The following ITPK1 variants were observed in gnomAD, a reference collection of about 807,000 sequenced individuals.
The protein encoded by ITPK1 is inositol 1,3,4-trisphosphate 5/6-kinase.
A neutral mutation model predicts 45.3 loss-of-function variants in ITPK1; 21 were observed. The observed-to-expected ratio is 0.46, with a 90% confidence interval of 0.33 to 0.67. The LOEUF is 0.67. ITPK1 is among the 30% of genes least tolerant of loss of function. ITPK1 has a pLI of 0.02. For synonymous variants in ITPK1, 258 were observed against 253.6 expected, an observed-to-expected ratio of 1.02 and a Z score of -0.16; for missense variants, 474 against 573.5, an observed-to-expected ratio of 0.83 and a Z score of 1.77.
chr14:93,096,367 C>A (rs552496570), intron 2 of ITPK1, among the ~76,000 whole-genome samples: 1 of 152,340 alleles, frequency 6.6e-6, no homozygotes, highest in African/African-American at 2.4e-5. Flanking sequence ...ATAAAATCAT[C>A]CCTGTAACTC....
chr14:93,030,106 G>T (rs148337845), intron 3 of ITPK1, among the ~76,000 whole-genome samples: 110 of 152,350 alleles, frequency 7.2e-4, no homozygotes, highest in African/African-American at 2.5e-3. Context: ...AATGCAGGCT[G>T]CACTCCCTTC....
chr14:93,030,675 G>A (rs904655108), intron 3 of ITPK1, among the ~76,000 whole-genome samples: 7 of 152,180 alleles, frequency 4.6e-5, no homozygotes, highest in Non-Finnish European at 1.0e-4. Context: ...TGATAGGAAA[G>A]GGGGGCACTC....
Position 93,063,488 on chromosome 14 carries a change from G to A in ITPK1, c.120+13107C>T, listed in dbSNP as rs956582495. 6.6e-6 allele frequency among the ~76,000 whole-genome samples: 1 copy of A among 152,168 alleles called. No individual in the cohort carries two copies. The highest frequency in any genetic ancestry group is 1.5e-5 in the Non-Finnish European group (1 of 68,020). On this transcript the variant is annotated intron_variant, in intron 3 of 10. Transcript: ENST00000267615. This position sits in a 1 kb window ranked among gnomAD's most constrained non-coding sequence, Gnocchi z 4.3. ...CTGTCCCTGACCTCAGGCTACCCAC[G>A]CTTCTCCTACGAGGGCCTGAGTTTT...
chr14:93,064,261 C>A (rs1352655018), intron 3 of ITPK1, among the ~76,000 whole-genome samples: 1 of 152,092 alleles, frequency 6.6e-6, no homozygotes, highest in African/African-American at 2.4e-5. Flanking sequence ...CCAGCCTGGG[C>A]GACAGAGCGA....
rs1312328852 is a variant in ITPK1, at chr14:92,941,405, C to T, written c.*156G>A. ...CTCTCTTCCATCCCCCACTACCCCT[C>T]ATTTAGATCATGACATCAGAGAATC... On this transcript the variant is annotated 3_prime_UTR_variant, in exon 11 of 11. Coordinates refer to ENST00000267615, the MANE Select transcript of ITPK1 (RefSeq NM_014216.6). 2 of 1,420,056 alleles carry T rather than the reference C, an allele frequency of 1.4e-6. No homozygotes were observed. Among genetic ancestry groups the T allele is most frequent in the African/African-American group, 2.9e-5 (2 of 67,932 alleles). 88.0% of individuals were successfully genotyped at this position (1,420,056 alleles called of 1,614,324 possible). A position where few individuals can be genotyped will look rare whatever the true frequency, so the allele number is the denominator to read the frequency against.
Position 92,941,269 on chromosome 14 carries a change from T to A in ITPK1, c.*292A>T. The stretch of plus-strand genomic sequence containing the variant: ...GGCAGCCATACGCACACCCCTCACC[T>A]CCCATCCAGACCTAGTGTTGCAAAC... On this transcript the variant is annotated 3_prime_UTR_variant, in exon 11 of 11. Transcript: ENST00000267615. 7.3e-7 allele frequency: 1 copy of A among 1,376,508 alleles called. No homozygotes were observed. The highest frequency in any genetic ancestry group is 9.4e-7 in the Non-Finnish European group (1 of 1,067,998). The allele number at this position is 1,376,508 out of a possible 1,614,324, so 85.3% of individuals were successfully genotyped here. A position where few individuals can be genotyped will look rare whatever the true frequency, so the allele number is the denominator to read the frequency against.
intron 3 of ITPK1, among the ~76,000 whole-genome samples, chr14:93,048,911 T>G (rs536413730): frequency 6.6e-6 from 1 of 152,108 alleles, no homozygotes; most frequent in Non-Finnish European, 1.5e-5. Context: ...GTCACACCAC[T>G]GCACTCCAGC....
At chr14:93,097,150 C>T (rs1356822159) in intron 2 of ITPK1, among the ~76,000 whole-genome samples, 2 of 152,230 alleles carry the variant, frequency 1.3e-5, no homozygotes, top group African/African-American at 4.8e-5. Context: ...CCGGCCAACG[C>T]GCAGACCCGG....
chr14:92,962,727 A>C, intron 6 of ITPK1, 24 bp downstream of exon 6: 2 of 1,563,956 alleles, frequency 1.3e-6, no homozygotes, highest in Non-Finnish European at 8.8e-7. Context: ...GCCTGCCCTC[A>C]GGTGGAGCTG....
At chr14:93,021,584 C>T (rs958813329) in intron 3 of ITPK1, among the ~76,000 whole-genome samples, 15 of 137,812 alleles carry the variant, frequency 1.1e-4, no homozygotes, top group African/African-American at 4.6e-4. Context: ...CAGAATGAGA[C>T]CCTGTCTCAA....
chr14:93,039,586 T>C (rs1056307799), intron 3 of ITPK1, among the ~76,000 whole-genome samples: 1 of 152,228 alleles, frequency 6.6e-6, no homozygotes, highest in Non-Finnish European at 1.5e-5. Flanking sequence ...GACTCTGGAA[T>C]CTTGAATCCG....
At chr14:92,946,082 G>C (rs1887671171) in intron 10 of ITPK1, among the ~76,000 whole-genome samples, 1 of 152,196 alleles carries the variant, frequency 6.6e-6, no homozygotes, top group African/African-American at 2.4e-5. Context: ...GAGGAGGTGA[G>C]GGACATGCGT....
chr14:92,998,594 C>A (rs1227382251), intron 4 of ITPK1, among the ~76,000 whole-genome samples: 1 of 152,210 alleles, frequency 6.6e-6, no homozygotes, highest in Admixed American at 6.5e-5. Flanking sequence ...CAGCTGCTGA[C>A]GCATGAGGCT....
intron 3 of ITPK1, among the ~76,000 whole-genome samples, chr14:93,054,104 C>A (rs1436529529): frequency 1.3e-5 from 2 of 152,262 alleles, no homozygotes; most frequent in Non-Finnish European, 2.9e-5. Context: ...ATCCCCTCCA[C>A]CCTGTCAGTG....
intron 4 of ITPK1, among the ~76,000 whole-genome samples, chr14:93,013,579 C>T (rs1888025740): frequency 1.3e-5 from 2 of 152,300 alleles, no homozygotes; most frequent in South Asian, 4.1e-4. Context: ...CCTCCCAGGA[C>T]CTGAGTATGG....
At chr14:92,988,018 T>C (rs1045910218) in intron 5 of ITPK1, among the ~76,000 whole-genome samples, 1 of 152,220 alleles carries the variant, frequency 6.6e-6, no homozygotes, top group African/African-American at 2.4e-5. Flanking sequence ...AATCCTGCTC[T>C]GCGGAGCCTC....
chr14:93,114,606 T>C (rs1306669795), intron 2 of ITPK1, among the ~76,000 whole-genome samples: 1 of 152,114 alleles, frequency 6.6e-6, no homozygotes, highest in Non-Finnish European at 1.5e-5. Flanking sequence ...AATGACAGCC[T>C]CAAGAGCCGA....
Position 92,993,980 on chromosome 14 carries a change from G to T in ITPK1, c.264C>A (p.His88Gln). Residue 88 changes from histidine (H) to glutamine (Q), a missense_variant, in exon 5 of 11, where the codon CAC (histidine) becomes CAA (glutamine). By Grantham distance (24) the His-to-Gln change is conservative. This residue lies in a region of ITPK1 where 367 missense variants were observed against 480.6 expected (regional missense o/e 0.76). Coordinates refer to ENST00000267615, the MANE Select transcript of ITPK1 (RefSeq NM_014216.6). Reference sequence around the variant, plus strand: ...GCGGGTCCAGGACGATGGTCTCAGGGTGGGCATCGATGTACTCCTGAAAGG... The same window carrying T: ...GCGGGTCCAGGACGATGGTCTCAGGTTGGGCATCGATGTACTCCTGAAAGG... ...VHRFQEYIDA[H>Q]PETIVLDPLP... The T allele has an allele frequency of 1.2e-6, 2 of 1,613,406 alleles. No homozygotes were observed. The highest frequency in any genetic ancestry group is 1.7e-6 in the Non-Finnish European group (2 of 1,179,376).
At chr14:93,112,197 T>A (rs935571535) in intron 2 of ITPK1, among the ~76,000 whole-genome samples, 2 of 152,002 alleles carry the variant, frequency 1.3e-5, no homozygotes, top group African/African-American at 4.8e-5. Context: ...AGAAAGGCAA[T>A]CTCAAGGTAG....
Sources: gnomAD v4.1 joint callset for allele counts (sites outside exome capture counted in the v4.1 genomes callset) on GRCh38, gnomAD v4.1.1 for gene constraint, gnomAD v4.1.1 regional missense constraint, Gnocchi (gnomAD v3.1) non-coding constraint, MANE v1.5 for transcripts, NCBI Gene and HGNC (gene_info 2026-07-23, HGNC 2026-07-21) for gene names.